The following PTPRD variants were observed in gnomAD, a reference collection of about 807,000 sequenced individuals.
PTPRD encodes the protein receptor-type tyrosine-protein phosphatase delta.
In PTPRD, 34 loss-of-function variants were observed where a neutral mutation model predicts 214.5. The ratio of observed to expected loss-of-function variants is 0.16; its 90% CI spans 0.12 to 0.21. The LOEUF is 0.21. Among genes scored for constraint, PTPRD ranks in the 10% least tolerant of loss-of-function variants. PTPRD has a pLI of 1.00. For missense variants in PTPRD, 2,545 were observed against 2,398.7 expected (o/e 1.06, Z -1.27); for synonymous variants, 1,128 against 845.7 (o/e 1.33, Z -5.79).
chr9:9,925,913 T>G (rs568596406), intron 5 of PTPRD, among the ~76,000 whole-genome samples: 1 of 152,224 alleles, frequency 6.6e-6, no homozygotes, highest in East Asian at 1.9e-4. Context: ...ACTGTAGCTT[T>G]GAACTCCTGG....
At chr9:8,785,115 C>T (rs1000707949) in intron 11 of PTPRD, among the ~76,000 whole-genome samples, 1 of 152,090 alleles carries the variant, frequency 6.6e-6, no homozygotes, top group Non-Finnish European at 1.5e-5. Flanking sequence ...ACAACAAGGC[C>T]TCCCACAGCC....
At chr9:9,903,397 T>A (rs1453470928) in intron 5 of PTPRD, among the ~76,000 whole-genome samples, 2 of 152,146 alleles carry the variant, frequency 1.3e-5, no homozygotes, top group Admixed American at 1.3e-4. Flanking sequence ...GCCACATTAG[T>A]AAAACTGAGA....
intron 3 of PTPRD, among the ~76,000 whole-genome samples, chr9:10,184,489 A>C (rs2099319360): frequency 6.6e-6 from 1 of 152,186 alleles, no homozygotes. Flanking sequence ...TAAAACTCTG[A>C]GACAAGAATT....
At chr9:9,491,301 C>A (rs969920201) in intron 8 of PTPRD, among the ~76,000 whole-genome samples, 1 of 151,570 alleles carries the variant, frequency 6.6e-6, no homozygotes, top group African/African-American at 2.4e-5. Flanking sequence ...ACATATGAAA[C>A]AAAAACTGAT....
At chr9:8,924,074 AT>A (rs2098846585) in intron 11 of PTPRD, among the ~76,000 whole-genome samples, 1 of 152,092 alleles carries the variant, frequency 6.6e-6, no homozygotes, top group Non-Finnish European at 1.5e-5. Flanking sequence ...TAATTTTATT[AT>A]TATGTCTACT....
chr9:9,444,987 A>G (rs1164062427), intron 8 of PTPRD, among the ~76,000 whole-genome samples: 1 of 152,152 alleles, frequency 6.6e-6, no homozygotes, highest in East Asian at 1.9e-4. Context: ...TGTATCTTCA[A>G]ATAGTGTTTT....
intron 11 of PTPRD, among the ~76,000 whole-genome samples, chr9:8,901,780 T>A (rs1297580893): frequency 6.6e-6 from 1 of 152,210 alleles, no homozygotes; most frequent in African/African-American, 2.4e-5. Flanking sequence ...TTTCTAGATC[T>A]CATTGCTGTC....
intron 11 of PTPRD, among the ~76,000 whole-genome samples, chr9:8,739,502 T>C (rs755107297): frequency 6.6e-6 from 1 of 152,236 alleles, no homozygotes; most frequent in South Asian, 2.1e-4. Flanking sequence ...CACAGCCACA[T>C]GTGGCTAGTG....
At chr9:9,550,797 C>A (rs1011200926) in intron 8 of PTPRD, among the ~76,000 whole-genome samples, 26 of 151,708 alleles carry the variant, frequency 1.7e-4, no homozygotes, top group South Asian at 4.1e-4. Flanking sequence ...AAGACATGAA[C>A]AGACATTTTA....
At chr9:9,674,707 G>A (rs193209354) in intron 7 of PTPRD, among the ~76,000 whole-genome samples, 151 of 151,834 alleles carry the variant, frequency 9.9e-4, no homozygotes, top group African/African-American at 3.4e-3. Context: ...AAGATCGTTA[G>A]GGTAATAAAA....
chr9:9,766,709 ATACCG>A (rs1203349555), intron 6 of PTPRD, 96 bp downstream of exon 6: 2 of 152,312 alleles, frequency 1.3e-5, no homozygotes, highest in African/African-American at 4.8e-5. Context: ...ATGTCCCATG[ATACCG>A]TATTTCCAAG....
chr9:8,500,038 A>G (rs1379142722), intron 24 of PTPRD, among the ~76,000 whole-genome samples, 198 bp from the exon 25 acceptor site: 2 of 149,912 alleles, frequency 1.3e-5, no homozygotes, highest in African/African-American at 2.5e-5. Flanking sequence ...AGATCAAAAA[A>G]CATGACCGAT....
At chr9:10,565,376 C>G (rs951668199) in intron 2 of PTPRD, among the ~76,000 whole-genome samples, 1 of 151,926 alleles carries the variant, frequency 6.6e-6, no homozygotes. Context: ...TAAGATTTAT[C>G]TGTATAATTG....
chr9:9,302,618 G>A (rs200125935), intron 9 of PTPRD, among the ~76,000 whole-genome samples: 36 of 53,918 alleles, frequency 6.7e-4, no homozygotes, highest in Middle Eastern at 0.014. Context: ...TTTTTTTTTT[G>A]TCTTTCCTGG....
chr9:10,093,052 T>C (rs1275928606), intron 3 of PTPRD, among the ~76,000 whole-genome samples: 1 of 151,354 alleles, frequency 6.6e-6, no homozygotes, highest in African/African-American at 2.4e-5. Flanking sequence ...GCAAATAATT[T>C]ATGATCAAGT....
At chr9:10,579,632 A>G (rs1054484715) in intron 2 of PTPRD, among the ~76,000 whole-genome samples, 6 of 152,326 alleles carry the variant, frequency 3.9e-5, no homozygotes, top group Middle Eastern at 3.4e-3. Flanking sequence ...ATATATACCC[A>G]GTAATGGGAT....
chr9:9,490,533 A>G (rs1156479522), intron 8 of PTPRD, among the ~76,000 whole-genome samples: 1 of 152,040 alleles, frequency 6.6e-6, no homozygotes, highest in Non-Finnish European at 1.5e-5. Flanking sequence ...TTATTTGTTT[A>G]TGATTTTGGG....
chr9:9,452,013 T>C (rs1374897420), intron 8 of PTPRD, among the ~76,000 whole-genome samples: 1 of 151,428 alleles, frequency 6.6e-6, no homozygotes, highest in East Asian at 1.9e-4. Context: ...GTATAAAAAA[T>C]ATTTCTAGAA....
intron 7 of PTPRD, among the ~76,000 whole-genome samples, chr9:9,581,874 A>G (rs1043224249): frequency 6.6e-6 from 1 of 152,156 alleles, no homozygotes; most frequent in South Asian, 2.1e-4. Flanking sequence ...AATATTTACT[A>G]AACAATTATT....
Sources: gnomAD v4.1 joint callset for allele counts (sites outside exome capture counted in the v4.1 genomes callset) on GRCh38, gnomAD v4.1.1 for gene constraint, MANE v1.5 for transcripts, NCBI Gene and HGNC (gene_info 2026-07-23, HGNC 2026-07-21) for gene names.